STARD8: variants seen among roughly 807,000 people sequenced by gnomAD.
The protein encoded by STARD8 is stAR-related lipid transfer protein 8.
A neutral mutation model predicts 69.4 loss-of-function variants in STARD8; 25 were observed. The ratio of observed to expected loss-of-function variants is 0.36; its 90% CI spans 0.26 to 0.50. The LOEUF (loss-of-function observed/expected upper bound fraction) is 0.50, where lower values mean the gene tolerates loss of function less well. STARD8 is among the 20% of genes least tolerant of loss of function. STARD8 has a pLI of 0.96. For synonymous variants in STARD8, 389 were observed against 374.6 expected, an observed-to-expected ratio of 1.04 and a Z score of -0.45; for missense variants, 921 against 932.5, an observed-to-expected ratio of 0.99 and a Z score of 0.16.
Position 68,721,516 on chromosome X carries a change from C to G in STARD8, c.2249-20C>G, listed in dbSNP as rs776982018. On this transcript the variant is annotated intron_variant, in intron 9 of 14. Transcript: ENST00000374599. ...CTCTGGGGAAGTAAGGAAGGCTCTTCTTCCATTGCTTCCTCACAGTCCTCC... is the reference window on the plus strand; with the variant it reads ...CTCTGGGGAAGTAAGGAAGGCTCTTGTTCCATTGCTTCCTCACAGTCCTCC... 2 of 1,203,726 alleles carry G rather than the reference C, an allele frequency of 1.7e-6. No individual in the cohort carries two copies. Among genetic ancestry groups the G allele is most frequent in the East Asian group, 3.0e-5 (1 of 33,710 alleles).
At chrX:68,685,423 AC>A (rs2079825464) in intron 2 of STARD8, among the ~76,000 whole-genome samples, 1 of 111,601 alleles carries the variant, frequency 9.0e-6, no homozygotes, top group Non-Finnish European at 1.9e-5. Flanking sequence ...TCCATTGAAA[AC>A]AAATTTAACC....
chrX:68,716,329 G>T (rs2080090725), intron 4 of STARD8, 39 bp from the exon 5 acceptor site: 1 of 1,188,686 alleles, frequency 8.4e-7, no homozygotes, highest in South Asian at 1.8e-5. Flanking sequence ...AGGCTTTGGG[G>T]ATGGGGACCC....
intron 2 of STARD8, among the ~76,000 whole-genome samples, chrX:68,675,322 G>A (rs1277212161): frequency 9.0e-6 from 1 of 110,939 alleles, no homozygotes; most frequent in East Asian, 2.9e-4. Flanking sequence ...TCGAACTCCT[G>A]ACCTCAGGTG....
chrX:68,700,734 G>GA (rs765391553), intron 2 of STARD8, among the ~76,000 whole-genome samples: 15 of 111,756 alleles, frequency 1.3e-4, no homozygotes, highest in Non-Finnish European at 2.8e-4. Context: ...TTCTAAATGG[G>GA]AAAAACAGAG....
chrX:68,704,249 T>C (rs1180382286), intron 2 of STARD8, among the ~76,000 whole-genome samples: 1 of 111,543 alleles, frequency 9.0e-6, no homozygotes, highest in East Asian at 2.8e-4. Flanking sequence ...TGGTGAGAGG[T>C]CAGGGGAGGC....
intron 2 of STARD8, among the ~76,000 whole-genome samples, chrX:68,678,104 G>A (rs778284987): frequency 2.7e-5 from 3 of 110,747 alleles, no homozygotes; most frequent in African/African-American, 6.6e-5. Flanking sequence ...GCGAGACTCT[G>A]CAATTTACCA....
At position 68,718,552 on chromosome X, in the gene STARD8, C is replaced by T. The variant is rs1462041213; in HGVS notation, c.1638C>T (p.Pro546=). 1.7e-6 allele frequency: 2 copies of T among 1,210,639 alleles called. No homozygotes were observed. The highest frequency in any genetic ancestry group is 2.2e-6 in the Non-Finnish European group (2 of 895,290). ...TGAATGAGGCTGAGGCTGCGGGGCCCCTGGCTGGACTCCAGGCATCAATGC... is the reference window on the plus strand; with the variant it reads ...TGAATGAGGCTGAGGCTGCGGGGCCTCTGGCTGGACTCCAGGCATCAATGC... ...NSMNEAEAAG[P]LAGLQASMPR... Residue 546 remains proline, a synonymous_variant, in exon 6 of 15, where the codon CCC becomes CCT. Coordinates refer to ENST00000374599, the MANE Select transcript of STARD8 (RefSeq NM_001142503.3).
rs144992754 is a variant in STARD8, at chrX:68,717,852, C to G, written c.938C>G (p.Ser313Cys). The change falls in exon 6 of 15, where the codon TCC becomes TGC. Residue 313 changes from serine to cysteine, a missense_variant. Transcript: ENST00000374599. ...GDHKPGTFPRSLSIESLCPED... is the reference protein window; with the variant it reads ...GDHKPGTFPRCLSIESLCPED... ...CACAAACCAGGCACATTCCCTCGCT[C>G]CCTGTCCATTGAGAGCCTGTGTCCT... 1.4e-5 allele frequency: 17 copies of G among 1,209,205 alleles called. No individual in the cohort carries two copies. In the African/African-American group the frequency reaches 2.6e-4, roughly 19 times the overall value.
chrX:68,649,655 A>G (rs190838173), intron 1 of STARD8, among the ~76,000 whole-genome samples: 239 of 111,757 alleles, frequency 2.1e-3, no homozygotes, highest in African/African-American at 7.5e-3. Context: ...GTCTGCCCTC[A>G]GCAAAATTAC....
chrX:68,661,962 CTCTCTCTCTCTTTCTTTCTTTCTTTCTT>C (rs1159272211), intron 1 of STARD8, among the ~76,000 whole-genome samples: 23 of 76,847 alleles, frequency 3.0e-4, no homozygotes, highest in African/African-American at 1.4e-3. Flanking sequence ...CTCTCTCTCT[CTCTCTCTCTCTTTCTTTCTTTCTTTCTT>C]TCTTTCTTTC....
At chrX:68,658,969 C>T in intron 1 of STARD8, among the ~76,000 whole-genome samples, 1 of 112,329 alleles carries the variant, frequency 8.9e-6, no homozygotes, top group Non-Finnish European at 1.9e-5. Context: ...CTGACTTTCC[C>T]TGGCCCTTTC....
chrX:68,701,153 T>A (rs1416001358), intron 2 of STARD8, among the ~76,000 whole-genome samples: 1 of 112,151 alleles, frequency 8.9e-6, no homozygotes, highest in Non-Finnish European at 1.9e-5. Context: ...CCTTCTTTAG[T>A]GGCATTCGCG....
chrX:68,650,220 T>C (rs1203369231), intron 1 of STARD8, among the ~76,000 whole-genome samples: 1 of 110,438 alleles, frequency 9.1e-6, no homozygotes, highest in Non-Finnish European at 1.9e-5. Flanking sequence ...GGCCAGGAGT[T>C]CCAGACCAGC....
At chrX:68,652,941 C>CAT (rs2079564115) in intron 1 of STARD8, among the ~76,000 whole-genome samples, 1 of 72,368 alleles carries the variant, frequency 1.4e-5, no homozygotes, top group African/African-American at 5.3e-5. Flanking sequence ...ACACCACACA[C>CAT]ACACACCACA....
intron 12 of STARD8, among the ~76,000 whole-genome samples, chrX:68,723,169 G>A (rs968296898): frequency 1.8e-5 from 2 of 112,782 alleles, no homozygotes; most frequent in Admixed American, 9.3e-5. Flanking sequence ...TTGCAAGCCT[G>A]AAGTGTCCTG....
At chrX:68,672,721 C>CG (rs367733095) in intron 2 of STARD8, among the ~76,000 whole-genome samples, 90 of 111,179 alleles carry the variant, frequency 8.1e-4, no homozygotes, top group African/African-American at 3.0e-3. Context: ...GCGCCCCACC[C>CG]CCCATGGCAG....
chrX:68,674,745 G>A (rs1368049688), intron 2 of STARD8, among the ~76,000 whole-genome samples: 1 of 110,171 alleles, frequency 9.1e-6, no homozygotes, highest in African/African-American at 3.3e-5. Context: ...TTTTCATCAC[G>A]TCTCTAAGCC....
intron 2 of STARD8, among the ~76,000 whole-genome samples, chrX:68,673,093 C>A (rs2079740105): frequency 9.0e-6 from 1 of 111,575 alleles, no homozygotes; most frequent in Non-Finnish European, 1.9e-5. Context: ...ACCCCCTTGG[C>A]CACTTGGAGC....
At chrX:68,664,970 A>C (rs1222144568) in intron 1 of STARD8, among the ~76,000 whole-genome samples, 1 of 112,135 alleles carries the variant, frequency 8.9e-6, no homozygotes. Flanking sequence ...TAGTCTTATG[A>C]ATGCAGATGC....
Sources: allele counts gnomAD v4.1 joint callset (sites outside exome capture counted in the v4.1 genomes callset), GRCh38; gene constraint gnomAD v4.1.1; transcripts MANE v1.5; gene names NCBI Gene and HGNC (gene_info 2026-07-23, HGNC 2026-07-21).